SLC25A26: variants seen among roughly 807,000 people sequenced by gnomAD.
The protein encoded by SLC25A26 is mitochondrial S-adenosylmethionine carrier protein.
Under a neutral mutation model 37.8 loss-of-function variants are expected in SLC25A26, and 36 were observed. That is an observed-to-expected ratio of 0.95 (90% confidence interval 0.73 to 1.26). The LOEUF (loss-of-function observed/expected upper bound fraction) is 1.26, where lower values mean the gene tolerates loss of function less well. SLC25A26 is among the 50% of genes most tolerant of loss of function. The pLI, the probability that SLC25A26 is intolerant of heterozygous loss-of-function variation, is 0.00. For missense variants in SLC25A26, 390 were observed against 331.1 expected, an observed-to-expected ratio of 1.18 and a Z score of -1.38; for synonymous variants, 129 against 122.5, an observed-to-expected ratio of 1.05 and a Z score of -0.35.
intron 1 of SLC25A26, among the ~76,000 whole-genome samples, chr3:66,184,472 G>T (rs1260861807): frequency 9.5e-6 from 1 of 104,778 alleles, no homozygotes; most frequent in South Asian, 3.5e-4. Context: ...CTATGACCTT[G>T]AAAAGACCCT....
At chr3:66,371,994 G>C (rs1325218539) in intron 9 of SLC25A26, among the ~76,000 whole-genome samples, 1 of 152,176 alleles carries the variant, frequency 6.6e-6, no homozygotes, top group African/African-American at 2.4e-5. Flanking sequence ...AGCTACTCAG[G>C]AGGCTGAGCA....
At chr3:66,251,462 G>A (rs1324989594) in intron 3 of SLC25A26, among the ~76,000 whole-genome samples, 1 of 152,166 alleles carries the variant, frequency 6.6e-6, no homozygotes. Context: ...TGTGTGTTGT[G>A]CACCTACTTG....
At chr3:66,246,637 A>G (rs1009083926) in intron 3 of SLC25A26, among the ~76,000 whole-genome samples, 7 of 152,122 alleles carry the variant, frequency 4.6e-5, no homozygotes, top group African/African-American at 7.2e-5. Flanking sequence ...TATCCATGAG[A>G]CTGGAGATAC....
At chr3:66,338,045 C>T (rs529664218) in intron 5 of SLC25A26, among the ~76,000 whole-genome samples, 22 of 152,126 alleles carry the variant, frequency 1.4e-4, no homozygotes, top group Admixed American at 2.6e-4. Context: ...CAGTCCCATT[C>T]TGCCTGCCCA....
chr3:66,139,352 G>A (rs1169995298), intron 1 of SLC25A26, among the ~76,000 whole-genome samples: 1 of 152,152 alleles, frequency 6.6e-6, no homozygotes, highest in Non-Finnish European at 1.5e-5. Flanking sequence ...TTCAAAATAG[G>A]TGTATGCTCT....
chr3:66,164,557 T>C (rs1236114662), intron 1 of SLC25A26, among the ~76,000 whole-genome samples: 1 of 152,090 alleles, frequency 6.6e-6, no homozygotes, highest in Non-Finnish European at 1.5e-5. Flanking sequence ...CTTAAACCAT[T>C]AAGGGCAAGT....
At chr3:66,265,866 G>A (rs1232853741) in intron 5 of SLC25A26, among the ~76,000 whole-genome samples, 1 of 152,314 alleles carries the variant, frequency 6.6e-6, no homozygotes, top group East Asian at 1.9e-4. Context: ...TCCTTACTCA[G>A]ATTTCACCTG....
At chr3:66,267,161 G>T (rs2073785896) in intron 5 of SLC25A26, among the ~76,000 whole-genome samples, 1 of 152,128 alleles carries the variant, frequency 6.6e-6, no homozygotes, top group South Asian at 2.1e-4. Flanking sequence ...GTATATACAA[G>T]ATGCAGGTGG....
At chr3:66,300,222 C>A (rs1360875183) in intron 5 of SLC25A26, among the ~76,000 whole-genome samples, 1 of 149,512 alleles carries the variant, frequency 6.7e-6, no homozygotes, top group Non-Finnish European at 1.5e-5. Flanking sequence ...ACAGTGAACT[C>A]CAGTGGACTT....
chr3:66,243,789 A>G (rs2072699344), intron 3 of SLC25A26, among the ~76,000 whole-genome samples: 1 of 152,176 alleles, frequency 6.6e-6, no homozygotes, highest in Non-Finnish European at 1.5e-5. Flanking sequence ...GTTGCAGCTC[A>G]CACACCCTGT....
intron 5 of SLC25A26, among the ~76,000 whole-genome samples, chr3:66,322,836 T>A (rs1352862641): frequency 6.6e-6 from 1 of 152,214 alleles, no homozygotes; most frequent in Non-Finnish European, 1.5e-5. Context: ...AGACCACAGA[T>A]CATTGATATA....
intron 1 of SLC25A26, among the ~76,000 whole-genome samples, chr3:66,149,579 T>C (rs2070170500): frequency 6.6e-6 from 1 of 152,226 alleles, no homozygotes; most frequent in African/African-American, 2.4e-5. Context: ...TGTTTTGTTT[T>C]CATTTATTCC....
At chr3:66,315,077 TTGA>T (rs1459180980) in intron 5 of SLC25A26, among the ~76,000 whole-genome samples, 4 of 125,294 alleles carry the variant, frequency 3.2e-5, no homozygotes, top group African/African-American at 1.5e-4. Context: ...CCTGGATTCT[TTGA>T]TTTTTTTTTT....
intron 4 of SLC25A26, among the ~76,000 whole-genome samples, chr3:66,262,827 T>A (rs761137468): frequency 2.0e-5 from 3 of 152,246 alleles, no homozygotes; most frequent in Non-Finnish European, 2.9e-5. Context: ...GGATGGTTAA[T>A]CCAGGGTTGT....
chr3:66,184,622 C>CTTGAGTTTACTATGTAATATATGCTTCA (rs2070790011), intron 1 of SLC25A26, among the ~76,000 whole-genome samples: 1 of 152,128 alleles, frequency 6.6e-6, no homozygotes, highest in Non-Finnish European at 1.5e-5. Context: ...ACATGCTCAA[C>CTTGAGTTTACTATGTAATATATGCTTCA]CAAATCCTCA....
intron 5 of SLC25A26, among the ~76,000 whole-genome samples, chr3:66,302,650 A>G (rs1470004221): frequency 1.3e-5 from 2 of 152,220 alleles, no homozygotes; most frequent in African/African-American, 2.4e-5. Context: ...TAAAACATAC[A>G]TTAGTTAAAA....
intron 9 of SLC25A26, among the ~76,000 whole-genome samples, chr3:66,376,485 T>C (rs1228861810): frequency 6.6e-6 from 1 of 152,172 alleles, no homozygotes; most frequent in Admixed American, 6.5e-5. Flanking sequence ...AGCAAGACCC[T>C]CTATCAGCCA....
intron 1 of SLC25A26, among the ~76,000 whole-genome samples, chr3:66,190,405 A>C (rs2070917325): frequency 6.6e-6 from 1 of 152,060 alleles, no homozygotes; most frequent in Admixed American, 6.6e-5. Context: ...GCATAGGTTA[A>C]TGCTAACAGT....
chr3:66,272,669 G>C (rs9856157), intron 5 of SLC25A26, among the ~76,000 whole-genome samples: 1,946 of 152,206 alleles, frequency 0.013, 45 homozygotes, highest in African/African-American at 0.043. Context: ...TCACTCACCT[G>C]TTACCTTTGC....
Sources: gnomAD v4.1 joint callset for allele counts (sites outside exome capture counted in the v4.1 genomes callset) on GRCh38, gnomAD v4.1.1 for gene constraint, MANE v1.5 for transcripts, NCBI Gene and HGNC (gene_info 2026-07-23, HGNC 2026-07-21) for gene names.